PCDHA4: variants seen among roughly 807,000 people sequenced by gnomAD.
PCDHA4 encodes protocadherin alpha-4.
Under a neutral mutation model 61.4 loss-of-function variants are expected in PCDHA4, and 49 were observed. The observed-to-expected ratio is 0.80, with a 90% CI of 0.63 to 1.01. The LOEUF is 1.01. Ranked by LOEUF, PCDHA4 falls within the 50% of genes least tolerant of loss-of-function variation. The pLI is 0.00. For missense variants in PCDHA4, 1,254 were observed against 1,235.8 expected (o/e 1.01, Z -0.22); for synonymous variants, 590 against 550.3 (o/e 1.07, Z -1.01).
chr5:140,809,698 T>G, intron 1 of PCDHA4, 126 bp downstream of exon 1: 1 of 1,155,888 alleles, frequency 8.7e-7, no homozygotes, highest in East Asian at 2.4e-5. Context: ...ATATCCATTT[T>G]AACTAAAGTC....
intron 1 of PCDHA4, chr5:140,835,784 C>G: frequency 2.5e-6 from 4 of 1,613,220 alleles, no homozygotes; most frequent in Non-Finnish European, 3.4e-6. Flanking sequence ...TGAAGGAGAA[C>G]AACCCGCCGG....
At chr5:140,857,576 C>T in intron 1 of PCDHA4, 1 of 1,596,780 alleles carries the variant, frequency 6.3e-7, no homozygotes, top group African/African-American at 1.3e-5. Flanking sequence ...CGTGTCGGTG[C>T]ACGCGGAGAG....
Position 140,850,654 on chromosome 5 carries a change from T to C in PCDHA4, c.2385+41082T>C, listed in dbSNP as rs2150492397. On this transcript the variant is annotated intron_variant, in intron 1 of 3. Coordinates refer to ENST00000530339, the MANE Select transcript of PCDHA4 (RefSeq NM_018907.4). ...GTTCTCACGCTGCTGCTGTACACTG[T>C]GCTGCGGTGCTCGGCGATGCCCACC... The C allele has an allele frequency of 1.6e-5, 25 of 1,598,638 alleles. 2 individuals are homozygous for C. The highest frequency in any genetic ancestry group is 2.1e-5 in the Non-Finnish European group (25 of 1,167,896).
In PCDHA4 at chr5:140,807,474, G is replaced by A. The variant is rs1554124040; in HGVS notation, c.287G>A (p.Cys96Tyr). 4 of 1,613,024 alleles carry A rather than the reference G, an allele frequency of 2.5e-6. No individual in the cohort carries two copies. Among genetic ancestry groups the A allele is most frequent in the Non-Finnish European group, 3.4e-6 (4 of 1,179,746 alleles). The change falls in exon 1 of 4, where the codon TGC becomes TAC. Residue 96 changes from cysteine (C) to tyrosine (Y), a missense_variant. Transcript: ENST00000530339. ...VNSRIDREEL[C>Y]RRSAECSIHL... ...TCTCGGATCGACCGGGAGGAGCTGT[G>A]CCGGCGGAGCGCGGAGTGCAGCATC...
At chr5:140,924,898 AAAAAAAAT>A (rs781900915) in intron 1 of PCDHA4, among the ~76,000 whole-genome samples, 16 of 53,028 alleles carry the variant, frequency 3.0e-4, no homozygotes, top group Non-Finnish European at 6.0e-4. Context: ...CTGTCTCAAA[AAAAAAAAT>A]AAAATAAAAT....
intron 1 of PCDHA4, among the ~76,000 whole-genome samples, chr5:140,840,523 A>T (rs1554137815): frequency 6.6e-6 from 1 of 152,058 alleles, no homozygotes; most frequent in Non-Finnish European, 1.5e-5. Context: ...CAGAAGAAAG[A>T]TGAAGAACTA....
chr5:140,880,381 A>C (rs2058322833), intron 1 of PCDHA4, among the ~76,000 whole-genome samples: 1 of 152,196 alleles, frequency 6.6e-6, no homozygotes, highest in Admixed American at 6.5e-5. Context: ...GAGAATAGAA[A>C]ATAATTTTTA....
intron 1 of PCDHA4, chr5:140,843,534 C>T: frequency 6.3e-7 from 1 of 1,596,028 alleles, no homozygotes; most frequent in Non-Finnish European, 8.6e-7. Flanking sequence ...GGCAAGCCCA[C>T]TCTGGTGTGC....
intron 1 of PCDHA4, chr5:140,881,999 A>C: frequency 2.1e-6 from 1 of 471,262 alleles, no homozygotes. Context: ...AGGAAATGCA[A>C]GGGGCAAAAA....
intron 3 of PCDHA4, among the ~76,000 whole-genome samples, chr5:140,987,383 G>A (rs2097252098): frequency 6.6e-6 from 1 of 152,138 alleles, no homozygotes; most frequent in Admixed American, 6.5e-5. Flanking sequence ...GGGTCAGAAT[G>A]CATGCAAGGA....
Position 140,808,143 on chromosome 5 carries a change from T to A in PCDHA4, c.956T>A (p.Ile319Asn). 1 of 1,614,142 alleles carries A rather than the reference T, an allele frequency of 6.2e-7. No homozygotes were observed. The highest frequency in any genetic ancestry group is 8.5e-7 in the Non-Finnish European group (1 of 1,179,964). The stretch of plus-strand genomic sequence containing the variant: ...GAAGAAAGCAAATCCTATGAAATTA[T>A]TGTAGAGGGCATTGATAAGGGACAG... Reference protein sequence around the residue: ...DFEESKSYEIIVEGIDKGQLP... With the variant: ...DFEESKSYEINVEGIDKGQLP... The change falls in exon 1 of 4, where the codon ATT becomes AAT. Residue 319 changes from isoleucine to asparagine, a missense_variant. Physicochemically the swap from Ile to Asn is moderately radical, Grantham distance 149. Transcript: ENST00000530339.
Position 140,857,247 on chromosome 5 carries a change from A to G in PCDHA4, c.2385+47675A>G. ...GTTCCGTTCAAGCTGGTGTCCACCT[A>G]CAAGAATTACTACTCATTGGTGCTG... is the stretch of plus-strand genomic sequence containing the variant. On this transcript the variant is annotated intron_variant, in intron 1 of 3. Coordinates refer to ENST00000530339, the MANE Select transcript of PCDHA4 (RefSeq NM_018907.4). 3 of 1,598,564 alleles carry G rather than the reference A, an allele frequency of 1.9e-6. 1 individual carries two copies. Among genetic ancestry groups the G allele is most frequent in the African/African-American group, 2.7e-5 (2 of 74,420 alleles).
intron 1 of PCDHA4, chr5:140,863,574 T>C (rs1162134770): frequency 2.7e-6 from 1 of 367,398 alleles, no homozygotes; most frequent in Non-Finnish European, 5.3e-6. Flanking sequence ...ATATAAGTAC[T>C]GTAATCCTGG....
intron 1 of PCDHA4, chr5:140,821,497 C>A: frequency 3.2e-6 from 1 of 315,434 alleles, no homozygotes; most frequent in Non-Finnish European, 5.8e-6. Context: ...GAAATATTGA[C>A]GAATATAAGC....
chr5:140,892,461 G>A lies in PCDHA4; in HGVS notation c.2385+82889G>A, dbSNP rs187904355. On this transcript the variant is annotated intron_variant, in intron 1 of 3. Coordinates refer to ENST00000530339, the MANE Select transcript of PCDHA4 (RefSeq NM_018907.4). ...AAATTTACATGTATTCTTTAAGTAC[G>A]GTTATTCAGTTTCCTAGCCAAACAT... 2.1e-3 allele frequency among the ~76,000 whole-genome samples: 317 copies of A among 152,150 alleles called. 1 individual carries two copies. Among genetic ancestry groups the A allele is most frequent in the Non-Finnish European group, 3.5e-3 (237 of 68,004 alleles).
rs549678873 is a variant in PCDHA4, at chr5:140,877,710, G to GA, written c.2385+68139dup. ...CGCTGGTGTGCTCCAGCGCCGTGGG[G>GA]AGTTGGTCTTACTCGCAGCAGAGGA... is the stretch of plus-strand genomic sequence containing the variant. On this transcript the variant is annotated intron_variant, in intron 1 of 3. Transcript: ENST00000530339. 3.7e-5 allele frequency: 60 copies of GA among 1,614,098 alleles called. 1 individual carries two copies. The Admixed American group carries it at 8.2e-4, about 22-fold the overall frequency.
chr5:140,835,652 G>A, intron 1 of PCDHA4: 1 of 1,613,954 alleles, frequency 6.2e-7, no homozygotes, highest in African/African-American at 1.3e-5. Flanking sequence ...CCTATGAGCT[G>A]GTGGTTACCG....
At chr5:140,820,147 A>G (rs1240842314) in intron 1 of PCDHA4, among the ~76,000 whole-genome samples, 1 of 152,006 alleles carries the variant, frequency 6.6e-6, no homozygotes, top group Non-Finnish European at 1.5e-5. Context: ...TTTCAAAATT[A>G]TCAGTATGAA....
chr5:140,818,335 A>T (rs2150050058), intron 1 of PCDHA4, among the ~76,000 whole-genome samples: 1 of 152,330 alleles, frequency 6.6e-6, no homozygotes, highest in South Asian at 2.1e-4. Flanking sequence ...TTGTTATTCT[A>T]GGCCACTGTC....
Sources: allele counts gnomAD v4.1 joint callset (sites outside exome capture counted in the v4.1 genomes callset), GRCh38; gene constraint gnomAD v4.1.1; transcripts MANE v1.5; gene names NCBI Gene and HGNC (gene_info 2026-07-23, HGNC 2026-07-21).